The following APC variants were observed in gnomAD, a reference collection of about 807,000 sequenced individuals.
APC encodes the protein adenomatous polyposis coli protein.
In APC, 72 loss-of-function variants were observed where a neutral mutation model predicts 247.0. The observed-to-expected ratio is 0.29, with a 90% CI of 0.24 to 0.35. The LOEUF (loss-of-function observed/expected upper bound fraction) is 0.35. Ranked by LOEUF, APC falls within the 10% of genes least tolerant of loss-of-function variation. APC has a pLI of 1.00. For synonymous variants in APC, 1,254 were observed against 1,162.5 expected, an observed-to-expected ratio of 1.08 and a Z score of -1.60; for missense variants, 3,400 against 3,360.7, an observed-to-expected ratio of 1.01 and a Z score of -0.29.
At chr5:112,828,266 C>G (rs1368451641) in intron 13 of APC, among the ~76,000 whole-genome samples, 1 of 152,136 alleles carries the variant, frequency 6.6e-6, no homozygotes, top group South Asian at 2.1e-4. Context: ...CCCACCTCAG[C>G]ATCTCAAAAT....
At chr5:112,782,161 A>G (rs758704180) in intron 6 of APC, among the ~76,000 whole-genome samples, 2 of 152,210 alleles carry the variant, frequency 1.3e-5, no homozygotes, top group Non-Finnish European at 2.9e-5. Flanking sequence ...GCAAGGAGGA[A>G]CAAGTCATGT....
chr5:112,810,315 A>G (rs781117759), intron 8 of APC: 6 of 249,288 alleles, frequency 2.4e-5, no homozygotes, highest in Non-Finnish European at 4.1e-5. Context: ...TACGCAGGTA[A>G]TTTTAAGGTT....
intron 8 of APC, among the ~76,000 whole-genome samples, chr5:112,813,760 A>AG (rs1762215342): frequency 6.6e-6 from 1 of 151,690 alleles, no homozygotes; most frequent in Non-Finnish European, 1.5e-5. Context: ...TCTAAAAAAA[A>AG]AAAAAGAAAA....
Position 112,791,622 on chromosome 5 carries a change from A to C in APC, c.646-824A>C, listed in dbSNP as rs550779533. On this transcript the variant is annotated intron_variant, in intron 6 of 15. Transcript: ENST00000257430. ...CTTCCCCTGCCCCAGTCAGTAGACA[A>C]ATTTCTTCCACGAAACCAGTCCCTG... Among the ~76,000 whole-genome samples, 26 of 152,312 alleles carry C rather than the reference A, an allele frequency of 1.7e-4. No individual in the cohort carries two copies. In the South Asian group the frequency reaches 5.2e-3, roughly 30 times the overall value.
At chr5:112,712,638 C>G (rs1057032024) in intron 1 of APC, among the ~76,000 whole-genome samples, 1 of 151,774 alleles carries the variant, frequency 6.6e-6, no homozygotes, top group African/African-American at 2.4e-5. Context: ...AAGTGATCCA[C>G]CTGGGATTCT....
chr5:112,734,147 T>C (rs911071779), upstream of APC, among the ~76,000 whole-genome samples: 1 of 152,150 alleles, frequency 6.6e-6, no homozygotes, highest in Admixed American at 6.5e-5. Flanking sequence ...GAGCTGTGCT[T>C]ATGCCACTGC....
rs1290319784 is a variant in APC, at chr5:112,838,356, C to G, written c.2762C>G (p.Ala921Gly). ...ELHCVTDERN[A>G]LRRSSAAHTH... ...CATTGTGTGACAGATGAGAGAAATG[C>G]ACTTAGAAGAAGCTCTGCTGCCCAT... The change falls in exon 16 of 16, where the codon GCA becomes GGA. Residue 921 changes from alanine to glycine, a missense_variant. By Grantham distance (60) the Ala-to-Gly change is moderately conservative (BLOSUM62 0). This residue lies in a region of APC where 715 missense variants were observed against 656.6 expected (regional missense o/e 1.09). Transcript: ENST00000257430. 6.2e-7 allele frequency: 1 copy of G among 1,614,150 alleles called. No homozygotes were observed.
intron 1 of APC, among the ~76,000 whole-genome samples, chr5:112,751,220 A>G (rs1310306236): frequency 6.6e-6 from 1 of 152,034 alleles, no homozygotes; most frequent in Non-Finnish European, 1.5e-5. Context: ...AATTATCAAA[A>G]CAAAAAAACT....
intron 2 of APC, among the ~76,000 whole-genome samples, chr5:112,763,705 A>G (rs1249684319): frequency 1.3e-5 from 2 of 152,224 alleles, no homozygotes; most frequent in African/African-American, 4.8e-5. Context: ...GTATGACACA[A>G]CAAGTAAAAA....
chr5:112,768,363 CAAA>C (rs200950003), intron 4 of APC, among the ~76,000 whole-genome samples: 4 of 113,150 alleles, frequency 3.5e-5, no homozygotes, highest in African/African-American at 6.7e-5. Flanking sequence ...GTCTCTTTAC[CAAA>C]AAAAAAAAAA....
chr5:112,803,630 G>A (rs926807254), intron 8 of APC, among the ~76,000 whole-genome samples: 2 of 152,154 alleles, frequency 1.3e-5, no homozygotes, highest in African/African-American at 4.8e-5. Flanking sequence ...AAAGGTAACC[G>A]ATTCTGTTGT....
At chr5:112,714,522 T>G (rs1328202882) in intron 1 of APC, among the ~76,000 whole-genome samples, 1 of 152,224 alleles carries the variant, frequency 6.6e-6, no homozygotes, top group Non-Finnish European at 1.5e-5. Flanking sequence ...ATCAAGGACT[T>G]AATTTCTCTT....
chr5:112,719,367 A>G (rs896185119), intron 1 of APC, among the ~76,000 whole-genome samples: 5 of 150,218 alleles, frequency 3.3e-5, no homozygotes, highest in African/African-American at 1.2e-4. Context: ...ACAGGTGTGC[A>G]CCACCACGCC....
chr5:112,842,467 A>G lies in APC; in HGVS notation c.6873A>G (p.Gln2291=), dbSNP rs148878262. 3 of 1,613,966 alleles carry G rather than the reference A, an allele frequency of 1.9e-6. No individual in the cohort carries two copies. Among genetic ancestry groups the G allele is most frequent in the Admixed American group, 1.7e-5 (1 of 60,002 alleles). Residue 2291 remains glutamine (Q), a synonymous_variant, in exon 16 of 16, where the codon CAA becomes CAG. Coordinates refer to ENST00000257430, the MANE Select transcript of APC (RefSeq NM_000038.6). ...ELSPVARQTS[Q]IGGSSKAPSR... ...GCCCTGTTGCCAGGCAGACATCCCA[A>G]ATAGGTGGGTCAAGTAAAGCACCTT...
At chr5:112,814,061 T>G (rs1353576514) in intron 8 of APC, among the ~76,000 whole-genome samples, 1 of 152,208 alleles carries the variant, frequency 6.6e-6, no homozygotes, top group Admixed American at 6.5e-5. Context: ...CTACTAAGCT[T>G]AAGACCACCC....
chr5:112,841,297 C>T lies in APC; in HGVS notation c.5703C>T (p.Thr1901=), dbSNP rs1766016604. 2.5e-6 allele frequency: 4 copies of T among 1,613,934 alleles called. No homozygotes were observed. Among genetic ancestry groups the T allele is most frequent in the Non-Finnish European group, 3.4e-6 (4 of 1,179,934 alleles). ...EAKVTSHTEL[T]SNQQSANKTQ... ...AAGTTACCAGCCACACAGAACTAAC[C>T]TCCAACCAACAATCAGCTAATAAGA... The change falls in exon 16 of 16, where the codon ACC becomes ACT. Residue 1901 remains threonine, a synonymous_variant. Transcript: ENST00000257430. This position sits in a 1 kb window ranked among gnomAD's most constrained non-coding sequence, Gnocchi z 4.6.
chr5:112,838,319 A>G lies in APC; in HGVS notation c.2725A>G (p.Thr909Ala), dbSNP rs878853430. 4.3e-6 allele frequency: 7 copies of G among 1,614,208 alleles called. No individual in the cohort carries two copies. Among genetic ancestry groups the G allele is most frequent in the Non-Finnish European group, 5.1e-6 (6 of 1,180,034 alleles). The change falls in exon 16 of 16, where the codon ACC (threonine) becomes GCC (alanine). Residue 909 changes from threonine (T) to alanine (A), a missense_variant. Thr to Ala is a moderately conservative substitution (Grantham distance 58). Transcript: ENST00000257430. ...TCAGGAAGACAGAAGTTCTGGGTCT[A>G]CCACTGAATTACATTGTGTGACAGA... is the stretch of plus-strand genomic sequence containing the variant. ...TSQEDRSSGS[T>A]TELHCVTDER...
In APC at chr5:112,841,100, G is replaced by A. The variant is rs766739164; in HGVS notation, c.5506G>A (p.Gly1836Arg). The A allele has an allele frequency of 3.7e-5, 60 of 1,612,898 alleles. No homozygotes were observed. The Admixed American group carries it at 1.0e-3, about 27-fold the overall frequency. ...KLPNNEDRVR[G>R]SFAFDSPHHY... is the part of the protein sequence containing the mutation. ...CCCAAATAATGAAGATAGAGTCAGA[G>A]GAAGTTTTGCTTTTGATTCACCTCA... Residue 1836 changes from glycine (G) to arginine (R), a missense_variant, in exon 16 of 16, where the codon GGA becomes AGA. Gly to Arg is a moderately radical substitution (Grantham distance 125). This residue lies in a region of APC where 1,788 missense variants were observed against 1,649.5 expected (regional missense o/e 1.08). Transcript: ENST00000257430. The surrounding 1 kb of genome is among the most constrained non-coding windows in gnomAD (Gnocchi z 4.6).
chr5:112,843,993 C>T lies in APC; in HGVS notation c.8399C>T (p.Ala2800Val), dbSNP rs141024271. The T allele has an allele frequency of 1.5e-5, 24 of 1,599,850 alleles. No individual in the cohort carries two copies. Among genetic ancestry groups the T allele is most frequent in the Middle Eastern group, 1.7e-4 (1 of 5,976 alleles). Residue 2800 changes from alanine (A) to valine (V), a missense_variant, in exon 16 of 16, where the codon GCT becomes GTT. Ala to Val is a moderately conservative substitution (Grantham distance 64). Coordinates refer to ENST00000257430, the MANE Select transcript of APC (RefSeq NM_000038.6). The surrounding 1 kb of genome is among the most constrained non-coding windows in gnomAD (Gnocchi z 4.8). ...PRKSSADSTS[A>V]RPSQIPTPVN... ...AAAAGCAGCGCAGATAGCACTTCAGCTCGGCCATCTCAGATCCCAACTCCA... is the reference window on the plus strand; with the variant it reads ...AAAAGCAGCGCAGATAGCACTTCAGTTCGGCCATCTCAGATCCCAACTCCA...
Sources: allele counts gnomAD v4.1 joint callset (sites outside exome capture counted in the v4.1 genomes callset), GRCh38; gene constraint gnomAD v4.1.1; regional missense constraint gnomAD v4.1.1; non-coding constraint Gnocchi (gnomAD v3.1); transcripts MANE v1.5; gene names NCBI Gene and HGNC (gene_info 2026-07-23, HGNC 2026-07-21).